STK39: variants seen among roughly 807,000 people sequenced by gnomAD.
The protein encoded by STK39 is STE20/SPS1-related proline-alanine-rich protein kinase.
Under a neutral mutation model 77.8 loss-of-function variants are expected in STK39, and 20 were observed. That is an observed-to-expected ratio of 0.26 (90% CI 0.18 to 0.37). The LOEUF is 0.37. Among genes scored for constraint, STK39 ranks in the 10% least tolerant of loss-of-function variants. The pLI is 1.00. For missense variants in STK39, 479 were observed against 656.5 expected (o/e 0.73, Z 2.95); for synonymous variants, 246 against 234.1 (o/e 1.05, Z -0.47).
intron 8 of STK39, among the ~76,000 whole-genome samples, chr2:168,135,723 T>C (rs575869378): frequency 6.6e-6 from 1 of 152,194 alleles, no homozygotes. Flanking sequence ...TGCATAGATT[T>C]TTCCCCCCGC....
In STK39 at chr2:168,195,982, A is replaced by G. The variant is rs1157127814; in HGVS notation, c.209-13892T>C. ...CAGTGGGCCAAGATCGTGCCATTGC[A>G]CTCCAGCCTGGGCTACAAGAGCAAA... is the stretch of plus-strand genomic sequence containing the variant. On this transcript the variant is annotated intron_variant, in intron 1 of 17. Coordinates refer to ENST00000355999, the MANE Select transcript of STK39 (RefSeq NM_013233.3). 4.6e-5 allele frequency among the ~76,000 whole-genome samples: 7 copies of G among 152,304 alleles called. 1 individual carries two copies. In the South Asian group the frequency reaches 1.4e-3, roughly 32 times the overall value.
At chr2:168,213,670 G>A (rs1388616186) in intron 1 of STK39, among the ~76,000 whole-genome samples, 11 of 141,814 alleles carry the variant, frequency 7.8e-5, no homozygotes, top group African/African-American at 2.7e-4. Context: ...TAGCCTGGGT[G>A]ACAAAAGCCA....
At chr2:167,973,633 T>A (rs1430299273) in intron 16 of STK39, among the ~76,000 whole-genome samples, 1 of 152,170 alleles carries the variant, frequency 6.6e-6, no homozygotes, top group South Asian at 2.1e-4. Flanking sequence ...TTGAGACTAC[T>A]GAAAAAATGG....
At chr2:168,024,561 C>T (rs981284782) in intron 14 of STK39, among the ~76,000 whole-genome samples, 2 of 152,190 alleles carry the variant, frequency 1.3e-5, no homozygotes, top group African/African-American at 4.8e-5. Context: ...TGCACTTCTG[C>T]CATGGCATGA....
intron 14 of STK39, among the ~76,000 whole-genome samples, chr2:168,050,998 G>C (rs1685381096): frequency 6.6e-6 from 1 of 152,194 alleles, no homozygotes; most frequent in African/African-American, 2.4e-5. Context: ...GGAAAGAAAA[G>C]TTAATGCAAA....
At chr2:168,063,419 T>C in intron 14 of STK39, 81 bp downstream of exon 14, 1 of 1,248,220 alleles carries the variant, frequency 8.0e-7, no homozygotes, top group South Asian at 1.3e-5. Context: ...TTTATGCTAA[T>C]ATTATGAAAG....
At chr2:168,230,005 C>T (rs953602099) in intron 1 of STK39, among the ~76,000 whole-genome samples, 35 of 152,262 alleles carry the variant, frequency 2.3e-4, no homozygotes, top group African/African-American at 7.7e-4. Context: ...ACTATAACAA[C>T]GAGAGTGTAC....
At chr2:168,020,102 T>C (rs868099546) in intron 14 of STK39, among the ~76,000 whole-genome samples, 11 of 152,226 alleles carry the variant, frequency 7.2e-5, no homozygotes, top group African/African-American at 2.4e-4. Flanking sequence ...AGGACACTTT[T>C]ATGTTCTTAA....
chr2:168,177,534 C>T (rs1276314816), intron 2 of STK39, among the ~76,000 whole-genome samples: 1 of 152,128 alleles, frequency 6.6e-6, no homozygotes, highest in African/African-American at 2.4e-5. Context: ...GTAGAGTAAC[C>T]TGAACATCAC....
At chr2:168,209,332 T>A (rs1286103886) in intron 1 of STK39, among the ~76,000 whole-genome samples, 1 of 152,122 alleles carries the variant, frequency 6.6e-6, no homozygotes, top group East Asian at 1.9e-4. Context: ...ACTATGAAGG[T>A]AGGTGTATTC....
chr2:168,146,168 C>T (rs913750262), intron 5 of STK39, among the ~76,000 whole-genome samples: 1 of 152,192 alleles, frequency 6.6e-6, no homozygotes, highest in Non-Finnish European at 1.5e-5. Flanking sequence ...TTTCATTCAC[C>T]TATGAGGAAA....
chr2:168,013,500 G>A (rs1485462997), intron 15 of STK39, among the ~76,000 whole-genome samples: 1 of 152,204 alleles, frequency 6.6e-6, no homozygotes, highest in Non-Finnish European at 1.5e-5. Flanking sequence ...TTTTTACAAG[G>A]GAGCTGACTC....
chr2:168,192,332 G>A (rs1247295603), intron 1 of STK39, among the ~76,000 whole-genome samples: 1 of 152,132 alleles, frequency 6.6e-6, no homozygotes, highest in African/African-American at 2.4e-5. Context: ...CACTTAATAA[G>A]GAGCCAAGGG....
At chr2:168,016,721 G>T (rs943945673) in intron 15 of STK39, among the ~76,000 whole-genome samples, 1 of 152,286 alleles carries the variant, frequency 6.6e-6, no homozygotes, top group South Asian at 2.1e-4. Flanking sequence ...TAGGACTGTG[G>T]TATGCTTCTC....
At position 168,052,948 on chromosome 2, in the gene STK39, G is replaced by T. The variant is rs544080101; in HGVS notation, c.1376+10552C>A. ...AGGAAGCGGTGTCTGCTGCTACACA[G>T]ATGATGACAACCTCTGCTGACCCAA... On this transcript the variant is annotated intron_variant, in intron 14 of 17. Coordinates refer to ENST00000355999, the MANE Select transcript of STK39 (RefSeq NM_013233.3). Among the ~76,000 whole-genome samples, 37 of 152,320 alleles carry T rather than the reference G, an allele frequency of 2.4e-4. No homozygotes were observed. In the South Asian group the frequency reaches 4.6e-3, roughly 19 times the overall value.
chr2:168,097,449 G>A (rs1686700085), intron 10 of STK39, among the ~76,000 whole-genome samples: 3 of 152,172 alleles, frequency 2.0e-5, no homozygotes, highest in Non-Finnish European at 4.4e-5. Flanking sequence ...GAATGGCTGG[G>A]CATGGTGGTT....
chr2:168,014,308 G>A (rs755902758), intron 15 of STK39, among the ~76,000 whole-genome samples: 12 of 152,038 alleles, frequency 7.9e-5, no homozygotes, highest in Non-Finnish European at 1.8e-4. Flanking sequence ...AACATAGGGA[G>A]ACGCCATCTC....
intron 10 of STK39, among the ~76,000 whole-genome samples, chr2:168,088,556 T>C (rs981851844): frequency 4.6e-5 from 7 of 152,198 alleles, no homozygotes; most frequent in African/African-American, 1.4e-4. Flanking sequence ...AATAGAAACA[T>C]GTTTTTATTC....
At chr2:168,033,261 AAG>A (rs1057259129) in intron 14 of STK39, among the ~76,000 whole-genome samples, 10 of 152,188 alleles carry the variant, frequency 6.6e-5, no homozygotes, top group Non-Finnish European at 1.2e-4. Flanking sequence ...AAAAAAAAAA[AAG>A]AGTTTCTGGG....
Sources: allele counts gnomAD v4.1 joint callset (sites outside exome capture counted in the v4.1 genomes callset), GRCh38; gene constraint gnomAD v4.1.1; transcripts MANE v1.5; gene names NCBI Gene and HGNC (gene_info 2026-07-23, HGNC 2026-07-21).